The following RREB1 variants were observed in gnomAD, a reference collection of about 807,000 sequenced individuals.
RREB1 encodes ras responsive element binding protein 1.
RREB1 carries 27 observed loss-of-function variants against 117.8 expected under a neutral mutation model. That is an observed-to-expected ratio of 0.23 (90% CI 0.17 to 0.32). The LOEUF (loss-of-function observed/expected upper bound fraction) is 0.32, where lower values mean the gene tolerates loss of function less well. Ranked by LOEUF, RREB1 falls within the 10% of genes least tolerant of loss-of-function variation. RREB1 has a pLI of 1.00. For missense variants in RREB1, 2,577 were observed against 2,378.2 expected, an observed-to-expected ratio of 1.08 and a Z score of -1.74; for synonymous variants, 1,298 against 1,026.7, an observed-to-expected ratio of 1.26 and a Z score of -5.05.
rs1043773700 is a variant in RREB1 at position 7,181,144 on chromosome 6, A to C, written c.-145A>C. The C allele has an allele frequency of 5.0e-6, 2 of 398,468 alleles. No homozygotes were observed. The highest frequency in any genetic ancestry group is 4.1e-5 in the African/African-American group (2 of 48,622). 24.7% of individuals were successfully genotyped at this position (398,468 alleles called of 1,614,324 possible). ...TCCAGTGTCAACGAGTACTACCAAG[A>C]GAAGAAGACAAGAGGTCAACACAGA... On this transcript the variant is annotated 5_prime_UTR_variant, in exon 3 of 13. Transcript: ENST00000379938.
chr6:7,182,884 A>C (rs1581503123), intron 4 of RREB1, among the ~76,000 whole-genome samples: 1 of 152,310 alleles, frequency 6.6e-6, no homozygotes, highest in Middle Eastern at 3.4e-3. Context: ...GTGGTCTTGC[A>C]TTTGTCCAGG....
intron 1 of RREB1, among the ~76,000 whole-genome samples, chr6:7,115,670 G>A (rs534860278): frequency 1.3e-5 from 2 of 152,084 alleles, no homozygotes; most frequent in South Asian, 2.1e-4. Flanking sequence ...CGCACTCTGC[G>A]TTCTGGTGCT....
rs919570837 is a variant in RREB1 at position 7,230,764 on chromosome 6, G to A, written c.2665G>A (p.Ala889Thr). The A allele has an allele frequency of 9.3e-6, 15 of 1,611,878 alleles. No individual in the cohort carries two copies. Among genetic ancestry groups the A allele is most frequent in the African/African-American group, 1.3e-5 (1 of 75,000 alleles). The change falls in exon 10 of 13, where the codon GCC becomes ACC. Residue 889 changes from alanine to threonine, a missense_variant. Coordinates refer to ENST00000379938, the MANE Select transcript of RREB1 (RefSeq NM_001003699.4). ...CCATGTCTCGATCAAGTTGGAGCCCGCCAGTAGCTTTGCGGTGGACTTCAA... is the reference window on the plus strand; with the variant it reads ...CCATGTCTCGATCAAGTTGGAGCCCACCAGTAGCTTTGCGGTGGACTTCAA... ...PPHVSIKLEP[A>T]SSFAVDFNEP...
intron 5 of RREB1, among the ~76,000 whole-genome samples, chr6:7,188,309 G>T (rs1765210399): frequency 6.6e-6 from 1 of 151,944 alleles, no homozygotes; most frequent in South Asian, 2.1e-4. Context: ...GGAGTACAGT[G>T]GTGCGATCTC....
Position 7,249,026 on chromosome 6 carries a change from A to G in RREB1, c.*58A>G. ...CAGCAGAGCAAAGCGTCTATACTTC[A>G]TGGGGTTTCCTCAGTGCCCTTTGGC... On this transcript the variant is annotated 3_prime_UTR_variant, in exon 13 of 13. Coordinates refer to ENST00000379938, the MANE Select transcript of RREB1 (RefSeq NM_001003699.4). The G allele has an allele frequency of 7.9e-7, 1 of 1,267,736 alleles. No homozygotes were observed. Among genetic ancestry groups the G allele is most frequent in the Non-Finnish European group, 1.0e-6 (1 of 952,810 alleles). 78.5% of individuals were successfully genotyped at this position (1,267,736 alleles called of 1,614,324 possible).
intron 1 of RREB1, among the ~76,000 whole-genome samples, chr6:7,119,599 A>C (rs1377348501): frequency 1.3e-5 from 2 of 152,136 alleles, no homozygotes; most frequent in African/African-American, 4.8e-5. Flanking sequence ...CGTCCAGGAA[A>C]ATGAGAAAAG....
intron 1 of RREB1, among the ~76,000 whole-genome samples, chr6:7,140,487 T>G (rs1305103410): frequency 6.6e-6 from 1 of 152,226 alleles, no homozygotes; most frequent in Non-Finnish European, 1.5e-5. Context: ...AACACAGATA[T>G]AGAATAAACG....
At chr6:7,144,066 A>T (rs1213184350) in intron 1 of RREB1, among the ~76,000 whole-genome samples, 3 of 146,990 alleles carry the variant, frequency 2.0e-5, no homozygotes, top group African/African-American at 5.1e-5. Flanking sequence ...TTGGTTTTGC[A>T]CACTTTTTTT....
intron 10 of RREB1, among the ~76,000 whole-genome samples, chr6:7,235,378 T>C (rs2113141450): frequency 6.6e-6 from 1 of 152,288 alleles, no homozygotes; most frequent in African/African-American, 2.4e-5. Flanking sequence ...AGGCGCTGTC[T>C]CCAAAACTTT....
rs1224998563 is a variant in RREB1 at position 7,230,647 on chromosome 6, T to C, written c.2548T>C (p.Cys850Arg). The change falls in exon 10 of 13, where the codon TGC becomes CGC. Residue 850 changes from cysteine to arginine, a missense_variant. Cys to Arg is a radical substitution (Grantham distance 180). Transcript: ENST00000379938. ...EASGRGEDSG[C>R]AALGDCKPLT... is the part of the protein sequence containing the mutation. ...GTCGGGGCGCGGGGAGGACAGTGGC[T>C]GCGCTGCCCTTGGTGACTGCAAGCC... is the stretch of plus-strand genomic sequence containing the variant. The C allele has an allele frequency of 6.2e-7, 1 of 1,600,360 alleles. No homozygotes were observed. Among genetic ancestry groups the C allele is most frequent in the South Asian group, 1.1e-5 (1 of 89,440 alleles).
chr6:7,155,081 A>T (rs965619786), intron 1 of RREB1, among the ~76,000 whole-genome samples: 1 of 152,232 alleles, frequency 6.6e-6, no homozygotes, highest in East Asian at 1.9e-4. Flanking sequence ...TCAGAGGGAG[A>T]TAGTTCAGTC....
intron 11 of RREB1, among the ~76,000 whole-genome samples, chr6:7,246,091 T>G (rs1376305206): frequency 6.6e-6 from 1 of 152,132 alleles, no homozygotes; most frequent in Non-Finnish European, 1.5e-5. Context: ...AATGCACCCC[T>G]CTCCTATCTC....
intron 1 of RREB1, among the ~76,000 whole-genome samples, chr6:7,121,615 AAGG>A (rs1761682950): frequency 6.6e-6 from 1 of 152,088 alleles, no homozygotes; most frequent in Admixed American, 6.6e-5. Context: ...TTGGGTGCCA[AAGG>A]AGAAGATTTA....
chr6:7,198,549 C>T (rs960896882), intron 6 of RREB1, among the ~76,000 whole-genome samples: 5 of 151,974 alleles, frequency 3.3e-5, no homozygotes, highest in African/African-American at 9.7e-5. Context: ...TTGAGGGGTT[C>T]GTGTAAATGT....
chr6:7,209,606 G>C (rs6913993), intron 6 of RREB1, among the ~76,000 whole-genome samples: 80,440 of 143,242 alleles, frequency 0.56, 23,171 homozygotes, highest in East Asian at 0.8. Flanking sequence ...CCGGTTCTCA[G>C]TCTGTCTCCC....
At chr6:7,178,462 G>A (rs527763673) in intron 2 of RREB1, among the ~76,000 whole-genome samples, 4 of 152,198 alleles carry the variant, frequency 2.6e-5, no homozygotes, top group Admixed American at 6.5e-5. Context: ...AGAAGAGCCC[G>A]CATGTTATGG....
rs757700305 is a variant in RREB1, at chr6:7,211,669, CTGGAGACCCACA to C, written c.678_689del (p.Met227_His230del). On this transcript the variant is annotated inframe_deletion, in exon 8 of 13. Coordinates refer to ENST00000379938, the MANE Select transcript of RREB1 (RefSeq NM_001003699.4). ...CAAGGAGTTTGTTTGCAAGTATGGACTGGAGACCCACATGGAGACCCATTCAGATAACCCACT... is the reference window on the plus strand; with the variant it reads ...CAAGGAGTTTGTTTGCAAGTATGGACTGGAGACCCATTCAGATAACCCACT... The C allele has an allele frequency of 5.0e-6, 8 of 1,613,950 alleles. No homozygotes were observed. Among genetic ancestry groups the C allele is most frequent in the Middle Eastern group, 1.6e-4 (1 of 6,084 alleles).
intron 1 of RREB1, among the ~76,000 whole-genome samples, chr6:7,133,426 C>A (rs1465178129): frequency 6.6e-6 from 1 of 152,064 alleles, no homozygotes; most frequent in Non-Finnish European, 1.5e-5. Flanking sequence ...TTTTACCCAT[C>A]ATAAAATGTT....
At position 7,231,176 on chromosome 6, in the gene RREB1, G is replaced by A. The variant is rs776513992; in HGVS notation, c.3077G>A (p.Ser1026Asn). The change falls in exon 10 of 13, where the codon AGC (serine) becomes AAC (asparagine). Residue 1026 changes from serine to asparagine, a missense_variant. Physicochemically the swap from Ser to Asn is conservative, Grantham distance 46. Transcript: ENST00000379938. ...ATCTACTCCTCAGCCCTGGTCAGCA[G>A]CCCTCCACTCGTGGGCAGCTCAGCC... is the stretch of plus-strand genomic sequence containing the variant. ...VPIYSSALVS[S>N]PPLVGSSALL... 17 of 1,611,508 alleles carry A rather than the reference G, an allele frequency of 1.1e-5. No homozygotes were observed. Among genetic ancestry groups the A allele is most frequent in the Admixed American group, 1.7e-5 (1 of 59,986 alleles).
Sources: allele counts gnomAD v4.1 joint callset (sites outside exome capture counted in the v4.1 genomes callset), GRCh38; gene constraint gnomAD v4.1.1; transcripts MANE v1.5; gene names NCBI Gene and HGNC (gene_info 2026-07-23, HGNC 2026-07-21).